Variants in ADAM22 observed in about 807,000 individuals in gnomAD.
ADAM22 encodes the protein ADAM metallopeptidase domain 22.
A neutral mutation model predicts 144.6 loss-of-function variants in ADAM22; 65 were observed. The observed-to-expected ratio is 0.45, with a 90% CI of 0.37 to 0.55. The LOEUF is 0.55. Ranked by LOEUF, ADAM22 falls within the 20% of genes least tolerant of loss-of-function variation. The pLI is 0.00. For synonymous variants in ADAM22, 391 were observed against 412.6 expected, an observed-to-expected ratio of 0.95 and a Z score of 0.63; for missense variants, 974 against 1,184.9, an observed-to-expected ratio of 0.82 and a Z score of 2.61.
At chr7:88,099,580 C>T (rs1822365746) in intron 4 of ADAM22, among the ~76,000 whole-genome samples, 1 of 152,152 alleles carries the variant, frequency 6.6e-6, no homozygotes, top group Admixed American at 6.5e-5. Context: ...GAATCTCAGA[C>T]ATTAAGGGGT....
chr7:87,938,221 T>TTG (rs1384168431), intron 2 of ADAM22, among the ~76,000 whole-genome samples: 1 of 140,478 alleles, frequency 7.1e-6, no homozygotes, highest in African/African-American at 2.7e-5. Context: ...TTTTTTTTTT[T>TTG]TTTTTTTTTT....
intron 7 of ADAM22, among the ~76,000 whole-genome samples, chr7:88,117,635 GAT>G (rs1321014982): frequency 6.6e-6 from 1 of 151,780 alleles, no homozygotes; most frequent in Non-Finnish European, 1.5e-5. Flanking sequence ...TTATTCAGAA[GAT>G]ATCTGGATAT....
intron 2 of ADAM22, among the ~76,000 whole-genome samples, chr7:87,937,923 C>T (rs554957629): frequency 6.6e-6 from 1 of 152,300 alleles, no homozygotes; most frequent in Admixed American, 6.5e-5. Flanking sequence ...GTTGATGTCT[C>T]TATCACTTGG....
rs1473279293 is a variant in ADAM22, at chr7:88,131,739, T to A, written c.992+304T>A. On this transcript the variant is annotated intron_variant, in intron 11 of 31. Transcript: ENST00000413139. Reference sequence around the variant, plus strand: ...TATTCTTAACTACAGATAAATTATATTCTTTAAAGTTACTGTCTTTTAAAT... The same window carrying A: ...TATTCTTAACTACAGATAAATTATAATCTTTAAAGTTACTGTCTTTTAAAT... 3 of 340,586 alleles carry A rather than the reference T, an allele frequency of 8.8e-6. No individual in the cohort carries two copies. The Admixed American group carries it at 1.4e-4, about 15-fold the overall frequency. 21.1% of individuals were successfully genotyped at this position (340,586 alleles called of 1,614,324 possible).
intron 22 of ADAM22, among the ~76,000 whole-genome samples, chr7:88,161,151 A>G (rs1665181579): frequency 6.6e-6 from 1 of 151,820 alleles, no homozygotes; most frequent in South Asian, 2.1e-4. Context: ...ACCCAAAAAA[A>G]ATCACTTCAT....
chr7:88,046,779 A>C lies in ADAM22; in HGVS notation c.324-28847A>C, dbSNP rs10281938. On this transcript the variant is annotated intron_variant, in intron 3 of 31. Transcript: ENST00000413139. The stretch of plus-strand genomic sequence containing the variant: ...TCAGAGTCTGATTTTATTGTTTTGC[A>C]TGTGGTTATCCAGTTTTCCAACACT... 8.4e-3 allele frequency among the ~76,000 whole-genome samples: 1,281 copies of C among 152,264 alleles called. 20 individuals are homozygous for C. The highest frequency in any genetic ancestry group is 0.03 in the African/African-American group (1,230 of 41,544).
At chr7:88,079,699 A>C (rs1815883908) in intron 4 of ADAM22, among the ~76,000 whole-genome samples, 1 of 152,154 alleles carries the variant, frequency 6.6e-6, no homozygotes, top group Non-Finnish European at 1.5e-5. Context: ...TTGCAATCCT[A>C]CTCTTGGATA....
intron 4 of ADAM22, among the ~76,000 whole-genome samples, chr7:88,080,887 T>G (rs912065780): frequency 2.6e-5 from 4 of 152,070 alleles, no homozygotes; most frequent in Admixed American, 1.3e-4. Context: ...ACCAGATGGA[T>G]TCACAGCTGA....
intron 2 of ADAM22, among the ~76,000 whole-genome samples, chr7:87,945,352 G>A (rs1843437347): frequency 6.6e-6 from 1 of 152,104 alleles, no homozygotes; most frequent in South Asian, 2.1e-4. Context: ...AATTTTCAAG[G>A]TTGGTATTAG....
intron 29 of ADAM22, chr7:88,185,805 T>C (rs537956506): frequency 6.9e-4 from 105 of 152,316 alleles, no homozygotes; most frequent in African/African-American, 2.2e-3. Flanking sequence ...AAATGCTAAC[T>C]AAGGTCATTA....
intron 27 of ADAM22, among the ~76,000 whole-genome samples, chr7:88,180,203 GA>G (rs1487301843): frequency 1.3e-5 from 2 of 152,078 alleles, no homozygotes; most frequent in South Asian, 2.1e-4. Flanking sequence ...GTCGCCAAAG[GA>G]GTATGTTTCT....
intron 15 of ADAM22, among the ~76,000 whole-genome samples, chr7:88,143,419 T>C (rs755459725): frequency 2.0e-5 from 3 of 152,228 alleles, no homozygotes; most frequent in Non-Finnish European, 4.4e-5. Flanking sequence ...AAAATGGTTT[T>C]ATTACTTTTC....
chr7:87,986,705 G>C (rs1173339511), intron 3 of ADAM22, among the ~76,000 whole-genome samples: 5 of 151,986 alleles, frequency 3.3e-5, no homozygotes, highest in Non-Finnish European at 7.4e-5. Context: ...TTTCTTGTTT[G>C]TTTTTAAAAA....
chr7:88,072,454 G>T (rs924477962), intron 3 of ADAM22, among the ~76,000 whole-genome samples: 6 of 152,102 alleles, frequency 3.9e-5, no homozygotes, highest in Non-Finnish European at 8.8e-5. Flanking sequence ...AGGAGTATTT[G>T]ACTTAGGTGA....
intron 3 of ADAM22, among the ~76,000 whole-genome samples, chr7:88,061,035 C>G (rs1287287928): frequency 1.3e-5 from 2 of 151,756 alleles, no homozygotes; most frequent in Non-Finnish European, 2.9e-5. Context: ...ACCCAGGAAA[C>G]AAAGGTTGCA....
chr7:88,028,360 A>AT (rs1193210978), intron 3 of ADAM22, among the ~76,000 whole-genome samples: 2 of 152,034 alleles, frequency 1.3e-5, no homozygotes, highest in Admixed American at 6.6e-5. Flanking sequence ...GTATAATTTC[A>AT]TTTTTTTGAA....
At chr7:88,072,023 T>C in intron 3 of ADAM22, among the ~76,000 whole-genome samples, 1 of 152,186 alleles carries the variant, frequency 6.6e-6, no homozygotes, top group East Asian at 1.9e-4. Context: ...TTAACTTAGG[T>C]TCTAACTTGA....
At chr7:88,143,438 T>C (rs1314431473) in intron 15 of ADAM22, among the ~76,000 whole-genome samples, 1 of 152,212 alleles carries the variant, frequency 6.6e-6, no homozygotes, top group Non-Finnish European at 1.5e-5. Context: ...TCTTTTTTAT[T>C]TTCTTGATGT....
At chr7:87,980,477 C>T (rs1853104417) in intron 3 of ADAM22, among the ~76,000 whole-genome samples, 2 of 110,706 alleles carry the variant, frequency 1.8e-5, no homozygotes, top group Admixed American at 1.7e-4. Flanking sequence ...ACAATAAGTT[C>T]TTTAAACTTT....
Sources: gnomAD v4.1 joint callset for allele counts (sites outside exome capture counted in the v4.1 genomes callset) on GRCh38, gnomAD v4.1.1 for gene constraint, MANE v1.5 for transcripts, NCBI Gene and HGNC (gene_info 2026-07-23, HGNC 2026-07-21) for gene names.